SLC24A2: variants seen among roughly 807,000 people sequenced by gnomAD.
SLC24A2 encodes the protein sodium/potassium/calcium exchanger 2.
Under a neutral mutation model 62.0 loss-of-function variants are expected in SLC24A2, and 36 were observed. The observed-to-expected ratio is 0.58, with a 90% confidence interval of 0.44 to 0.77. The LOEUF (loss-of-function observed/expected upper bound fraction) is 0.77. Ranked by LOEUF, SLC24A2 falls within the 30% of genes least tolerant of loss-of-function variation. The probability of loss-of-function intolerance (pLI) is 0.00; values close to 1 mark genes in which losing one functional copy is unlikely to be tolerated. For synonymous variants in SLC24A2, 358 were observed against 294.0 expected, an observed-to-expected ratio of 1.22 and a Z score of -2.23; for missense variants, 846 against 817.9, an observed-to-expected ratio of 1.03 and a Z score of -0.42.
intron 2 of SLC24A2, among the ~76,000 whole-genome samples, chr9:19,648,268 T>C (rs74559897): frequency 0.01 from 1,560 of 152,256 alleles, 37 homozygotes; most frequent in East Asian, 0.095. Flanking sequence ...ATCTGTCTGA[T>C]TCTAATAAAA....
the SLC24A2 span, among the ~76,000 whole-genome samples, chr9:19,847,180 G>T: frequency 2.0e-5 from 3 of 152,114 alleles, no homozygotes; most frequent in African/African-American, 7.2e-5. Context: ...GGCATAAAAA[G>T]ATAATCATTC....
At chr9:19,963,420 A>G in the SLC24A2 span, among the ~76,000 whole-genome samples, 31,064 of 145,676 alleles carry the variant, frequency 0.21, 2,370 homozygotes, top group South Asian at 0.33. Context: ...CTACCATCAG[A>G]GTGAACAGGC....
the SLC24A2 span, among the ~76,000 whole-genome samples, chr9:20,187,054 G>A: frequency 1.3e-5 from 2 of 152,210 alleles, no homozygotes; most frequent in South Asian, 4.1e-4. Context: ...GGGAAAGCTA[G>A]GCCTGGAGAC....
At chr9:19,518,215 T>G (rs1231139774) in intron 10 of SLC24A2, among the ~76,000 whole-genome samples, 2 of 152,226 alleles carry the variant, frequency 1.3e-5, no homozygotes, top group African/African-American at 4.8e-5. Context: ...TAAGTAAATG[T>G]AATGTTATAT....
At chr9:19,974,194 T>C in the SLC24A2 span, among the ~76,000 whole-genome samples, 1 of 152,206 alleles carries the variant, frequency 6.6e-6, no homozygotes, top group Non-Finnish European at 1.5e-5. Flanking sequence ...AATTTAATTA[T>C]ATACAATTAC....
At chr9:20,038,628 C>CAAAAAAAAAAAAAAAAA in the SLC24A2 span, among the ~76,000 whole-genome samples, 3 of 32,396 alleles carry the variant, frequency 9.3e-5, 1 homozygote. Flanking sequence ...GTAAAAGAAA[C>CAAAAAAAAAAAAAAAAA]AAACAAAAAA....
chr9:19,642,278 G>A (rs904748693), intron 2 of SLC24A2, among the ~76,000 whole-genome samples: 5 of 152,132 alleles, frequency 3.3e-5, no homozygotes, highest in Non-Finnish European at 5.9e-5. Flanking sequence ...GACCAGAGGA[G>A]GAAATACGCC....
At chr9:19,906,124 T>C in the SLC24A2 span, among the ~76,000 whole-genome samples, 1 of 152,176 alleles carries the variant, frequency 6.6e-6, no homozygotes, top group African/African-American at 2.4e-5. Context: ...TATAACAAAC[T>C]GCCTCTCAGA....
chr9:20,116,707 T>C, the SLC24A2 span, among the ~76,000 whole-genome samples: 1 of 152,166 alleles, frequency 6.6e-6, no homozygotes, highest in Non-Finnish European at 1.5e-5. Flanking sequence ...ATGGAATGTG[T>C]ATAAATGAGA....
At chr9:19,754,294 C>T (rs753067555) in intron 2 of SLC24A2, among the ~76,000 whole-genome samples, 10 of 152,170 alleles carry the variant, frequency 6.6e-5, no homozygotes, top group Admixed American at 1.3e-4. Flanking sequence ...TGAAGCCACC[C>T]GTCTATCCTC....
intron 8 of SLC24A2, among the ~76,000 whole-genome samples, chr9:19,538,688 A>G (rs1237274120): frequency 7.6e-6 from 1 of 132,074 alleles, no homozygotes; most frequent in African/African-American, 3.0e-5. Context: ...GTCTCTGCCC[A>G]GCTTTGGTAT....
chr9:19,526,853 TTAA>T (rs1476207815), intron 9 of SLC24A2, among the ~76,000 whole-genome samples: 1 of 151,844 alleles, frequency 6.6e-6, no homozygotes, highest in Non-Finnish European at 1.5e-5. Context: ...TTTGATGAAA[TTAA>T]TTAATCAATT....
At chr9:19,725,106 T>C (rs79295942) in intron 2 of SLC24A2, among the ~76,000 whole-genome samples, 1,735 of 152,252 alleles carry the variant, frequency 0.011, 12 homozygotes, top group Admixed American at 0.02. Context: ...CCTAGAGGCA[T>C]TTTTCAATGT....
intron 8 of SLC24A2, among the ~76,000 whole-genome samples, chr9:19,541,206 C>T (rs1353658407): frequency 5.6e-5 from 8 of 141,910 alleles, no homozygotes; most frequent in African/African-American, 8.0e-5. Context: ...TCTCTCAGCT[C>T]GTCAAAATCA....
At chr9:20,183,687 G>A in the SLC24A2 span, among the ~76,000 whole-genome samples, 1 of 152,202 alleles carries the variant, frequency 6.6e-6, no homozygotes, top group East Asian at 1.9e-4. Context: ...GAGGATGGAA[G>A]AGGCTTCAGA....
the SLC24A2 span, among the ~76,000 whole-genome samples, chr9:20,039,332 T>C: frequency 1.3e-5 from 2 of 151,858 alleles, no homozygotes; most frequent in African/African-American, 2.4e-5. Context: ...GAAGACGACC[T>C]GGAAGCTGGA....
chr9:19,814,239 T>G, the SLC24A2 span, among the ~76,000 whole-genome samples: 2 of 152,058 alleles, frequency 1.3e-5, no homozygotes, highest in African/African-American at 4.8e-5. Context: ...ATATGCCAAA[T>G]AAAAATCAAG....
At chr9:19,726,342 C>T (rs1421260426) in intron 2 of SLC24A2, among the ~76,000 whole-genome samples, 3 of 152,172 alleles carry the variant, frequency 2.0e-5, no homozygotes, top group Non-Finnish European at 4.4e-5. Context: ...AAATCAGGTT[C>T]TATAAACTCT....
At chr9:19,849,571 A>C in the SLC24A2 span, among the ~76,000 whole-genome samples, 1 of 152,212 alleles carries the variant, frequency 6.6e-6, no homozygotes, top group Non-Finnish European at 1.5e-5. Flanking sequence ...GGGGAAAGAA[A>C]AGACATATCT....
Sources: gnomAD v4.1 joint callset for allele counts (sites outside exome capture counted in the v4.1 genomes callset) on GRCh38, gnomAD v4.1.1 for gene constraint, MANE v1.5 for transcripts, NCBI Gene and HGNC (gene_info 2026-07-23, HGNC 2026-07-21) for gene names.